The following UST variants were observed in gnomAD, a reference collection of about 807,000 sequenced individuals.
UST encodes the protein uronyl 2-sulfotransferase, also known as chondroitin sulfate 2-O-sulfotransferase.
A neutral mutation model predicts 45.6 loss-of-function variants in UST; 21 were observed. That is an observed-to-expected ratio of 0.46 (90% CI 0.33 to 0.66). The LOEUF (loss-of-function observed/expected upper bound fraction) is 0.66, where lower values mean the gene tolerates loss of function less well. UST is among the 30% of genes least tolerant of loss of function. The pLI is 0.02. For missense variants in UST, 463 were observed against 512.4 expected, an observed-to-expected ratio of 0.90 and a Z score of 0.93; for synonymous variants, 215 against 200.6, an observed-to-expected ratio of 1.07 and a Z score of -0.61.
intron 1 of UST, among the ~76,000 whole-genome samples, chr6:148,779,245 C>T (rs1215008816): frequency 1.3e-5 from 2 of 152,180 alleles, no homozygotes; most frequent in Admixed American, 6.5e-5. Context: ...GATTTCAGAC[C>T]CTTGTCATTC....
intron 7 of UST, among the ~76,000 whole-genome samples, chr6:149,043,205 A>T (rs1300120952): frequency 6.6e-6 from 1 of 151,236 alleles, no homozygotes; most frequent in African/African-American, 2.4e-5. Flanking sequence ...ACCTCTTGGG[A>T]CCAAATTCTG....
rs183309907 is a variant in UST, at chr6:148,985,544, C to T, written c.681+20981C>T. ...GAATATCTAAAATGAGAATAGAAAACGTAACCATTAGATTTCTACTAATCT... is the reference window on the plus strand; with the variant it reads ...GAATATCTAAAATGAGAATAGAAAATGTAACCATTAGATTTCTACTAATCT... On this transcript the variant is annotated intron_variant, in intron 5 of 7. Coordinates refer to ENST00000367463, the MANE Select transcript of UST (RefSeq NM_005715.3). Among the ~76,000 whole-genome samples the T allele has an allele frequency of 1.2e-4, 19 of 152,226 alleles. No individual in the cohort carries two copies. In the East Asian group the frequency reaches 1.4e-3, roughly 11 times the overall value.
At chr6:148,838,861 C>G (rs762720701) in intron 1 of UST, among the ~76,000 whole-genome samples, 3 of 152,050 alleles carry the variant, frequency 2.0e-5, no homozygotes, top group Non-Finnish European at 4.4e-5. Context: ...CATAGGCATC[C>G]AGGATAGTGT....
intron 1 of UST, among the ~76,000 whole-genome samples, chr6:148,804,536 C>A (rs2114721821): frequency 6.6e-6 from 1 of 152,302 alleles, no homozygotes; most frequent in South Asian, 2.1e-4. Context: ...AAACAGCCTG[C>A]ACCATGTACG....
At chr6:148,804,390 T>C (rs977182332) in intron 1 of UST, among the ~76,000 whole-genome samples, 1 of 152,216 alleles carries the variant, frequency 6.6e-6, no homozygotes, top group Admixed American at 6.5e-5. Flanking sequence ...TGTGTGTGTG[T>C]GAGGGGGGGT....
chr6:148,802,835 G>A (rs2114719459), intron 1 of UST, among the ~76,000 whole-genome samples: 1 of 152,316 alleles, frequency 6.6e-6, no homozygotes, highest in East Asian at 1.9e-4. Context: ...AGAGCTTTGA[G>A]CAGAACGGTA....
rs573197251 is a variant in UST at position 149,058,720 on chromosome 6, AAG to A, written c.938-15109_938-15108del. On this transcript the variant is annotated intron_variant, in intron 7 of 7. Coordinates refer to ENST00000367463, the MANE Select transcript of UST (RefSeq NM_005715.3). The stretch of plus-strand genomic sequence containing the variant: ...ATCAAATTAAAAGTATATTTTAAGA[AAG>A]AGATACATTTTGTTGATAAAGACAT... Among the ~76,000 whole-genome samples, 1,150 of 152,334 alleles carry A rather than the reference AAG, an allele frequency of 7.5e-3. 16 individuals carry two copies. Among genetic ancestry groups the A allele is most frequent in the African/African-American group, 0.026 (1,095 of 41,576 alleles).
intron 1 of UST, among the ~76,000 whole-genome samples, chr6:148,757,086 C>A (rs1054099464): frequency 1.3e-5 from 2 of 152,212 alleles, no homozygotes; most frequent in Non-Finnish European, 2.9e-5. Flanking sequence ...CAGCCTCAAC[C>A]TCCTGGGCTC....
chr6:148,870,555 A>C (rs1239344566), intron 1 of UST, among the ~76,000 whole-genome samples: 2 of 152,228 alleles, frequency 1.3e-5, no homozygotes, highest in East Asian at 3.8e-4. Context: ...ACCCTGCTGC[A>C]GGTGCATGGT....
At chr6:148,838,660 C>T (rs1280193080) in intron 1 of UST, among the ~76,000 whole-genome samples, 2 of 151,994 alleles carry the variant, frequency 1.3e-5, no homozygotes, top group Non-Finnish European at 2.9e-5. Flanking sequence ...TTTGGGACCC[C>T]AAGGTGAGAA....
intron 7 of UST, among the ~76,000 whole-genome samples, chr6:149,032,890 A>G (rs1194975863): frequency 6.6e-6 from 1 of 152,124 alleles, no homozygotes; most frequent in African/African-American, 2.4e-5. Flanking sequence ...TTTGGAGGTG[A>G]ATTTTTTTCT....
intron 1 of UST, among the ~76,000 whole-genome samples, chr6:148,767,590 G>GT (rs141995999): frequency 0.23 from 34,487 of 149,728 alleles, 4,074 homozygotes; most frequent in African/African-American, 0.32. Context: ...TCTAGGTAAA[G>GT]TTTTTTTTTT....
intron 5 of UST, among the ~76,000 whole-genome samples, chr6:148,982,292 T>A (rs1362010426): frequency 1.3e-5 from 2 of 152,130 alleles, no homozygotes; most frequent in East Asian, 3.9e-4. Flanking sequence ...AGAGTCGGGG[T>A]TGCTCCATGT....
chr6:148,894,284 A>G (rs1489362219), intron 2 of UST, among the ~76,000 whole-genome samples: 1 of 152,240 alleles, frequency 6.6e-6, no homozygotes, highest in Non-Finnish European at 1.5e-5. Flanking sequence ...TAACCCCAGA[A>G]TCTGTGAGTG....
chr6:148,907,690 G>A (rs1779390001), intron 2 of UST, among the ~76,000 whole-genome samples: 2 of 152,134 alleles, frequency 1.3e-5, no homozygotes, highest in African/African-American at 4.8e-5. Context: ...TAGTTTCAGG[G>A]TGTAAAAATC....
chr6:148,782,513 C>T (rs543072347), intron 1 of UST, among the ~76,000 whole-genome samples: 20 of 151,934 alleles, frequency 1.3e-4, no homozygotes, highest in Admixed American at 3.3e-4. Flanking sequence ...TGCAGTGGCG[C>T]GATCTTGGCT....
chr6:149,029,469 ATATATAATG>A (rs1776106555), intron 7 of UST, among the ~76,000 whole-genome samples: 1 of 145,346 alleles, frequency 6.9e-6, no homozygotes, highest in Non-Finnish European at 1.5e-5. Context: ...TATATATTAT[ATATATAATG>A]TATATATAAT....
chr6:149,026,609 C>T (rs1432926032), intron 7 of UST, among the ~76,000 whole-genome samples: 1 of 152,108 alleles, frequency 6.6e-6, no homozygotes, highest in Non-Finnish European at 1.5e-5. Context: ...GTAATAGGAA[C>T]AGTCATATGA....
In UST at chr6:148,796,547, C is replaced by G. The variant is rs891140799; in HGVS notation, c.247+48870C>G. 5.9e-5 allele frequency among the ~76,000 whole-genome samples: 8 copies of G among 136,530 alleles called. No individual in the cohort carries two copies. In the Admixed American group the frequency reaches 6.7e-4, roughly 11 times the overall value. 89.6% of individuals were successfully genotyped at this position (136,530 alleles called of 152,430 possible). On this transcript the variant is annotated intron_variant, in intron 1 of 7. Transcript: ENST00000367463. ...GCTGAGGCAGGAGAATCATTTGAAC[C>G]TGGGAGGCGGAGGTTGCAGTGAGCC...
Sources: allele counts gnomAD v4.1 joint callset (sites outside exome capture counted in the v4.1 genomes callset), GRCh38; gene constraint gnomAD v4.1.1; transcripts MANE v1.5; gene names NCBI Gene and HGNC (gene_info 2026-07-23, HGNC 2026-07-21).